Variants in LRBA observed in about 807,000 individuals in gnomAD.
LRBA encodes the protein lipopolysaccharide-responsive and beige-like anchor protein.
In LRBA, 176 loss-of-function variants were observed where a neutral mutation model predicts 330.0. The ratio of observed to expected loss-of-function variants is 0.53; its 90% CI spans 0.47 to 0.60. The LOEUF (loss-of-function observed/expected upper bound fraction) is 0.60, where lower values mean the gene tolerates loss of function less well. Ranked by LOEUF, LRBA falls within the 20% of genes least tolerant of loss-of-function variation. The pLI is 0.00. For missense variants in LRBA, 3,259 were observed against 3,444.8 expected (o/e 0.95, Z 1.35); for synonymous variants, 1,230 against 1,193.0 (o/e 1.03, Z -0.64).
At chr4:150,853,096 G>GTCAA (rs1206937967) in intron 22 of LRBA, among the ~76,000 whole-genome samples, 153 bp from the exon 23 acceptor site, 1 of 152,088 alleles carries the variant, frequency 6.6e-6, no homozygotes, top group Non-Finnish European at 1.5e-5. Flanking sequence ...ATAAATGTAA[G>GTCAA]TCAATCACAG....
At chr4:150,976,805 G>C (rs1002198326) in intron 2 of LRBA, among the ~76,000 whole-genome samples, 1 of 152,158 alleles carries the variant, frequency 6.6e-6, no homozygotes, top group Non-Finnish European at 1.5e-5. Flanking sequence ...TACGCGCCTG[G>C]GAGTGGGAGA....
At chr4:150,684,294 A>G (rs1582035978) in intron 36 of LRBA, among the ~76,000 whole-genome samples, 1 of 152,310 alleles carries the variant, frequency 6.6e-6, no homozygotes, top group South Asian at 2.1e-4. Context: ...CAGAAAAGAG[A>G]CAATAGCAGC....
chr4:150,761,996 A>G, intron 34 of LRBA, 149 bp from the exon 35 acceptor site: 2 of 556,132 alleles, frequency 3.6e-6, no homozygotes, highest in Non-Finnish European at 6.4e-6. Flanking sequence ...TAATACTGAA[A>G]AGTATACTGA....
intron 22 of LRBA, among the ~76,000 whole-genome samples, chr4:150,854,818 A>G (rs1478922663): frequency 6.6e-6 from 1 of 152,244 alleles, no homozygotes; most frequent in East Asian, 1.9e-4. Flanking sequence ...CAATAAACTG[A>G]GAACTAAAGA....
intron 34 of LRBA, among the ~76,000 whole-genome samples, chr4:150,777,081 G>GTTGTTGTTGTTGT (rs1553959761): frequency 6.5e-4 from 98 of 151,318 alleles, no homozygotes; most frequent in African/African-American, 2.3e-3. Context: ...TGTTGTTGTT[G>GTTGTTGTTGTTGT]TTGTTGTTGT....
intron 44 of LRBA, among the ~76,000 whole-genome samples, chr4:150,467,359 G>C (rs1452165202): frequency 2.0e-5 from 3 of 152,072 alleles, no homozygotes; most frequent in Non-Finnish European, 4.4e-5. Context: ...TAGTAGAAGA[G>C]AGGAAGTGTC....
chr4:150,355,421 T>C (rs1285235820), intron 47 of LRBA, among the ~76,000 whole-genome samples: 2 of 152,072 alleles, frequency 1.3e-5, no homozygotes, highest in Non-Finnish European at 2.9e-5. Flanking sequence ...AACATTCTCA[T>C]ACCACTCCAT....
chr4:150,788,856 C>T (rs1739479210), intron 34 of LRBA, among the ~76,000 whole-genome samples: 1 of 152,100 alleles, frequency 6.6e-6, no homozygotes, highest in Admixed American at 6.5e-5. Context: ...CAGTGGATCA[C>T]CTGAGGTCAA....
chr4:150,450,152 A>C (rs1426143124), intron 44 of LRBA, among the ~76,000 whole-genome samples: 1 of 152,242 alleles, frequency 6.6e-6, no homozygotes, highest in Non-Finnish European at 1.5e-5. Context: ...CATCAGAAAA[A>C]GTAGATTTCA....
At chr4:150,430,517 T>A (rs551019050) in intron 46 of LRBA, among the ~76,000 whole-genome samples, 2 of 152,280 alleles carry the variant, frequency 1.3e-5, no homozygotes, top group African/African-American at 4.8e-5. Flanking sequence ...ACTAAATTGC[T>A]GGGACTTGTT....
At chr4:150,829,739 C>T (rs910086521) in intron 29 of LRBA, among the ~76,000 whole-genome samples, 7 of 152,144 alleles carry the variant, frequency 4.6e-5, no homozygotes, top group Admixed American at 1.3e-4. Flanking sequence ...CATTCATTCT[C>T]CAAGTTTTAA....
At chr4:150,875,451 C>T (rs1003763925) in intron 17 of LRBA, among the ~76,000 whole-genome samples, 3 of 152,232 alleles carry the variant, frequency 2.0e-5, no homozygotes, top group Non-Finnish European at 4.4e-5. Context: ...GCACTACACA[C>T]ATCAGCTTAT....
At chr4:150,462,952 A>G (rs1754966301) in intron 44 of LRBA, among the ~76,000 whole-genome samples, 1 of 151,952 alleles carries the variant, frequency 6.6e-6, no homozygotes, top group Non-Finnish European at 1.5e-5. Flanking sequence ...TGTGTGTATA[A>G]ACAAATATTT....
chr4:150,480,176 A>G (rs1046230941), intron 42 of LRBA, among the ~76,000 whole-genome samples: 11 of 152,258 alleles, frequency 7.2e-5, no homozygotes, highest in South Asian at 6.2e-4. Context: ...ATAATCAGTA[A>G]TTATGCTACT....
chr4:150,787,678 C>G (rs1262871689), intron 34 of LRBA, among the ~76,000 whole-genome samples: 2 of 152,078 alleles, frequency 1.3e-5, no homozygotes, highest in African/African-American at 4.8e-5. Context: ...TCTAATTATA[C>G]TTTTTTCATT....
At chr4:150,919,057 T>C (rs1250619812) in intron 5 of LRBA, among the ~76,000 whole-genome samples, 1 of 152,212 alleles carries the variant, frequency 6.6e-6, no homozygotes, top group African/African-American at 2.4e-5. Flanking sequence ...ATCCATACAA[T>C]ATAATACCAG....
intron 34 of LRBA, among the ~76,000 whole-genome samples, chr4:150,794,050 G>C (rs959976440): frequency 6.6e-6 from 1 of 152,180 alleles, no homozygotes; most frequent in Non-Finnish European, 1.5e-5. Context: ...CGAAGAATGA[G>C]ATAATTAAGC....
chr4:150,352,818 T>C (rs1041459882), intron 47 of LRBA, among the ~76,000 whole-genome samples: 2 of 152,212 alleles, frequency 1.3e-5, no homozygotes, highest in African/African-American at 2.4e-5. Flanking sequence ...TTGTGTGCAG[T>C]GCACTCTACA....
chr4:150,370,974 A>C (rs989440657), intron 47 of LRBA, among the ~76,000 whole-genome samples: 5 of 152,112 alleles, frequency 3.3e-5, no homozygotes, highest in African/African-American at 1.2e-4. Flanking sequence ...AAGCGAAAGG[A>C]GTATGGAACC....
Sources: allele counts gnomAD v4.1 joint callset (sites outside exome capture counted in the v4.1 genomes callset), GRCh38; gene constraint gnomAD v4.1.1; transcripts MANE v1.5; gene names NCBI Gene and HGNC (gene_info 2026-07-23, HGNC 2026-07-21).